The following IFT140 variants were observed in gnomAD, a reference collection of about 807,000 sequenced individuals.
IFT140 encodes intraflagellar transport 140.
In IFT140, 133 loss-of-function variants were observed where a neutral mutation model predicts 164.6. The observed-to-expected ratio is 0.81, with a 90% CI of 0.70 to 0.93. The LOEUF is 0.93. IFT140 is among the 40% of genes least tolerant of loss of function. IFT140 has a pLI of 0.00. For missense variants in IFT140, 2,045 were observed against 1,972.3 expected (o/e 1.04, Z -0.70); for synonymous variants, 860 against 817.3 (o/e 1.05, Z -0.89).
intron 4 of IFT140, among the ~76,000 whole-genome samples, chr16:1,597,510 C>T (rs1377081496): frequency 6.6e-6 from 1 of 152,196 alleles, no homozygotes; most frequent in African/African-American, 2.4e-5. Flanking sequence ...GCTGATTCCA[C>T]GGGTAACCAC....
At chr16:1,511,225 G>T in intron 30 of IFT140, 75 bp from the exon 31 acceptor site, 1 of 1,408,074 alleles carries the variant, frequency 7.1e-7, no homozygotes, top group Non-Finnish European at 9.8e-7. Context: ...GGCCAGGCAC[G>T]TGCTGCTGCC....
chr16:1,588,687 G>A (rs2035025072), intron 7 of IFT140, among the ~76,000 whole-genome samples: 1 of 152,008 alleles, frequency 6.6e-6, no homozygotes, highest in Non-Finnish European at 1.5e-5. Context: ...CTGTTTTGTA[G>A]AGAACAAACC....
intron 18 of IFT140, among the ~76,000 whole-genome samples, chr16:1,558,626 C>T (rs989988600): frequency 2.0e-5 from 3 of 152,206 alleles, no homozygotes; most frequent in African/African-American, 2.4e-5. Context: ...TCCTGGAAAT[C>T]GGTGCTCCCG....
intron 8 of IFT140, among the ~76,000 whole-genome samples, chr16:1,587,583 G>C (rs1346010566): frequency 6.6e-6 from 1 of 152,180 alleles, no homozygotes; most frequent in African/African-American, 2.4e-5. Flanking sequence ...AGATGGCCCC[G>C]GACAGCACAC....
intron 13 of IFT140, among the ~76,000 whole-genome samples, chr16:1,574,420 T>C (rs1342125552): frequency 6.6e-6 from 1 of 152,000 alleles, no homozygotes; most frequent in East Asian, 1.9e-4. Context: ...GCTGGGACCA[T>C]AGGTTTGCCA....
rs756448762 is a variant in IFT140, at chr16:1,518,350, T to C, written c.4048A>G (p.Thr1350Ala). The change falls in exon 30 of 31, where the codon ACA becomes GCA. Residue 1350 changes from threonine to alanine, a missense_variant. By Grantham distance (58) the Thr-to-Ala change is moderately conservative. Transcript: ENST00000426508. ...TTGATGGACTCCTTGGGGTCCTCTG[T>C]GTACGTCCTGCCGAGAGCAGAGATG... The part of the protein sequence containing the change: ...KRFIQARRTY[T>A]EDPKESIKQC... 2.7e-5 allele frequency: 44 copies of C among 1,613,616 alleles called. No homozygotes were observed. Among genetic ancestry groups the C allele is most frequent in the Non-Finnish European group, 3.6e-5 (42 of 1,179,822 alleles).
At chr16:1,537,307 G>A (rs1200653606) in intron 19 of IFT140, among the ~76,000 whole-genome samples, 4 of 152,226 alleles carry the variant, frequency 2.6e-5, no homozygotes, top group African/African-American at 7.2e-5. Flanking sequence ...GCTGAGGCCC[G>A]CGTGGATGTC....
rs751413638 is a variant in IFT140 at position 1,566,291 on chromosome 16, C to T, written c.1771G>A (p.Ala591Thr). 3.1e-6 allele frequency: 5 copies of T among 1,613,046 alleles called. No individual in the cohort carries two copies. The South Asian group carries it at 3.3e-5, about 11-fold the overall frequency. The change falls in exon 16 of 31, where the codon GCT becomes ACT. Residue 591 changes from alanine (A) to threonine (T), a missense_variant and splice_region_variant. By Grantham distance (58) the Ala-to-Thr change is moderately conservative. Coordinates refer to ENST00000426508, the MANE Select transcript of IFT140 (RefSeq NM_014714.4). ...ATTTTGGAATCAGGGCTGTTGTCAG[C>T]CTAGGAGAAGAGAAAACCAGAAAGC... ...GSTISILPSK[A>T]DNSPDSKICF...
chr16:1,528,330 CGTGTGCACACACACGCAT>C (rs1567333546), intron 19 of IFT140, among the ~76,000 whole-genome samples: 2 of 104,400 alleles, frequency 1.9e-5, no homozygotes, highest in Non-Finnish European at 3.9e-5. Flanking sequence ...CATGCACGCA[CGTGTGCACACACACGCAT>C]GCACGCACGT....
At chr16:1,526,311 C>G (rs2040694516) in intron 20 of IFT140, 2 of 583,732 alleles carry the variant, frequency 3.4e-6, no homozygotes, top group Non-Finnish European at 6.1e-6. Flanking sequence ...CCCCCTCCCA[C>G]AGCCCCCCCT....
At chr16:1,560,924 C>G (rs1242653062) in intron 18 of IFT140, among the ~76,000 whole-genome samples, 1 of 152,214 alleles carries the variant, frequency 6.6e-6, no homozygotes, top group Non-Finnish European at 1.5e-5. Context: ...GAGTGTGTAA[C>G]AGGAGAGAAG....
chr16:1,611,027 C>T (rs907228778), intron 1 of IFT140, among the ~76,000 whole-genome samples, 174 bp from the exon 2 acceptor site: 1 of 152,220 alleles, frequency 6.6e-6, no homozygotes, highest in Middle Eastern at 3.2e-3. Context: ...TTCCAGCACG[C>T]GGCGGTCTCG....
chr16:1,591,172 C>T (rs1023437532), intron 6 of IFT140, among the ~76,000 whole-genome samples: 1 of 152,204 alleles, frequency 6.6e-6, no homozygotes, highest in African/African-American at 2.4e-5. Context: ...CAGAGCCAGG[C>T]TCCTCCCTGG....
intron 14 of IFT140, 134 bp downstream of exon 14, chr16:1,571,273 G>T: frequency 1.3e-6 from 1 of 790,416 alleles, no homozygotes; most frequent in Non-Finnish European, 2.0e-6. Context: ...AGGCATTCGA[G>T]AGCACAAGTG....
rs887143907 is a variant in IFT140 at position 1,551,491 on chromosome 16, C to T, written c.2399+6444G>A. 6.6e-6 allele frequency among the ~76,000 whole-genome samples: 1 copy of T among 152,140 alleles called. No homozygotes were observed. Among genetic ancestry groups the T allele is most frequent in the Admixed American group, 6.5e-5 (1 of 15,270 alleles). ...GCAGGTAGCAGGGGAGACCCTAAGGCGATGGGAGCCACAAGGGTGCTGAGT... is the reference window on the plus strand; with the variant it reads ...GCAGGTAGCAGGGGAGACCCTAAGGTGATGGGAGCCACAAGGGTGCTGAGT... On this transcript the variant is annotated intron_variant, in intron 19 of 30. Coordinates refer to ENST00000426508, the MANE Select transcript of IFT140 (RefSeq NM_014714.4). This position sits in a 1 kb window ranked among gnomAD's most constrained non-coding sequence, Gnocchi z 4.0.
At chr16:1,528,346 C>A (rs549510683) in intron 19 of IFT140, among the ~76,000 whole-genome samples, 2 of 130,758 alleles carry the variant, frequency 1.5e-5, no homozygotes, top group Non-Finnish European at 3.4e-5. Context: ...CACACACACG[C>A]ATGCACGCAC....
At chr16:1,598,815 C>T (rs1310744324) in intron 4 of IFT140, among the ~76,000 whole-genome samples, 1 of 152,176 alleles carries the variant, frequency 6.6e-6, no homozygotes, top group East Asian at 1.9e-4. Flanking sequence ...GCCGAGATTG[C>T]AGCCTCTGCC....
intron 19 of IFT140, among the ~76,000 whole-genome samples, chr16:1,534,989 G>A (rs542601228): frequency 1.3e-5 from 2 of 152,248 alleles, no homozygotes; most frequent in Admixed American, 6.5e-5. Context: ...AGGACTGCTT[G>A]AGGCCAAGAG....
Position 1,589,709 on chromosome 16 carries a change from G to A in IFT140, c.706C>T (p.Leu236=). 2 of 1,614,160 alleles carry A rather than the reference G, an allele frequency of 1.2e-6. No homozygotes were observed. The highest frequency in any genetic ancestry group is 1.7e-6 in the Non-Finnish European group (2 of 1,180,032). Residue 236 remains leucine (L), a synonymous_variant, in exon 7 of 31, where the codon CTG becomes TTG. Coordinates refer to ENST00000426508, the MANE Select transcript of IFT140 (RefSeq NM_014714.4). ...GCCTCCCTCTTCTCCATGTAGAACA[G>A]CATCTGAATCGTGCTGTCTGCGGAC... is the stretch of plus-strand genomic sequence containing the variant. ...VVSADSTIQM[L]FYMEKREALV...
Sources: allele counts gnomAD v4.1 joint callset (sites outside exome capture counted in the v4.1 genomes callset), GRCh38; gene constraint gnomAD v4.1.1; non-coding constraint Gnocchi (gnomAD v3.1); transcripts MANE v1.5; gene names NCBI Gene and HGNC (gene_info 2026-07-23, HGNC 2026-07-21).